Variants in TNIK observed in about 807,000 individuals in gnomAD.
TNIK encodes the protein TRAF2 and NCK interacting kinase.
Under a neutral mutation model 191.3 loss-of-function variants are expected in TNIK, and 49 were observed. The ratio of observed to expected loss-of-function variants is 0.26; its 90% CI spans 0.20 to 0.32. The LOEUF is 0.32. TNIK is among the 10% of genes least tolerant of loss of function. TNIK has a pLI of 1.00. For synonymous variants in TNIK, 594 were observed against 600.9 expected (o/e 0.99, Z 0.17); for missense variants, 1,155 against 1,702.3 (o/e 0.68, Z 5.66).
Position 171,354,390 on chromosome 3 carries a change from C to T in TNIK, c.123+15230G>A, listed in dbSNP as rs149651504. On this transcript the variant is annotated intron_variant, in intron 2 of 32. Transcript: ENST00000436636. ...ACCTGAGCTGGTCCACTACCTGAGC[C>T]GTGTTCCTCAAGGAAATTTCAAAAG... Among the ~76,000 whole-genome samples, 16 of 152,228 alleles carry T rather than the reference C, an allele frequency of 1.1e-4. No homozygotes were observed. In the East Asian group the frequency reaches 1.9e-3, roughly 18 times the overall value.
intron 3 of TNIK, among the ~76,000 whole-genome samples, chr3:171,223,211 C>T (rs1444827739): frequency 6.6e-6 from 1 of 152,158 alleles, no homozygotes; most frequent in Non-Finnish European, 1.5e-5. Context: ...GTATTCTTGG[C>T]TGGAATGTCC....
chr3:171,202,758 G>A lies in TNIK; in HGVS notation c.307-8123C>T, dbSNP rs112685694. The stretch of plus-strand genomic sequence containing the variant: ...GCTTCAGATCTGTGTTTGTATCTAC[G>A]TAACTTACCTTGTGTCTCTATAGGT... On this transcript the variant is annotated intron_variant, in intron 4 of 32. Transcript: ENST00000436636. 5.2e-3 allele frequency among the ~76,000 whole-genome samples: 798 copies of A among 152,244 alleles called. 6 individuals are homozygous for A. Among genetic ancestry groups the A allele is most frequent in the Admixed American group, 0.012 (191 of 15,298 alleles).
At chr3:171,125,622 A>G (rs1728352957) in intron 17 of TNIK, among the ~76,000 whole-genome samples, 1 of 152,224 alleles carries the variant, frequency 6.6e-6, no homozygotes, top group Non-Finnish European at 1.5e-5. Context: ...GTTAATATGG[A>G]TAGCAAAATG....
At chr3:171,387,472 T>C (rs772072155) in intron 1 of TNIK, among the ~76,000 whole-genome samples, 10 of 152,302 alleles carry the variant, frequency 6.6e-5, no homozygotes, top group Non-Finnish European at 1.2e-4. Flanking sequence ...GGCTCTTACA[T>C]CTTCCACATT....
At chr3:171,414,449 G>A (rs1483191784) in intron 1 of TNIK, among the ~76,000 whole-genome samples, 2 of 152,166 alleles carry the variant, frequency 1.3e-5, no homozygotes, top group East Asian at 3.8e-4. Flanking sequence ...TATAACAAAG[G>A]TCTAAATGAT....
At chr3:171,295,346 C>A (rs917250535) in intron 2 of TNIK, among the ~76,000 whole-genome samples, 2 of 152,160 alleles carry the variant, frequency 1.3e-5, no homozygotes, top group African/African-American at 4.8e-5. Flanking sequence ...TAGCATCTCT[C>A]CTTCCTGCCT....
rs770421937 is a variant in TNIK at position 171,190,817 on chromosome 3, A to G, written c.418-30T>C. 115 of 1,523,162 alleles carry G rather than the reference A, an allele frequency of 7.6e-5. No individual in the cohort carries two copies. In the Middle Eastern group the frequency reaches 1.0e-3, roughly 13 times the overall value. 94.4% of individuals were successfully genotyped at this position (1,523,162 alleles called of 1,614,324 possible). A position where few individuals can be genotyped will look rare whatever the true frequency, so the allele number is the denominator to read the frequency against. On this transcript the variant is annotated intron_variant, in intron 5 of 32. Transcript: ENST00000436636. ...AGTGATGGAGAGTTAAGAAGGGTTA[A>G]TAGGAACATAAGCCAAGATGCCAAT...
chr3:171,250,796 C>T (rs1170516023), intron 2 of TNIK, among the ~76,000 whole-genome samples: 1 of 152,180 alleles, frequency 6.6e-6, no homozygotes, highest in African/African-American at 2.4e-5. Flanking sequence ...CCATATAGTG[C>T]TCTAAAAATG....
At chr3:171,064,912 T>G (rs982564923) in intron 32 of TNIK, among the ~76,000 whole-genome samples, 1 of 152,194 alleles carries the variant, frequency 6.6e-6, no homozygotes. Flanking sequence ...GACATTCACC[T>G]AATGCTGCAT....
intron 2 of TNIK, among the ~76,000 whole-genome samples, chr3:171,331,449 A>T (rs1182841183): frequency 6.6e-6 from 1 of 152,220 alleles, no homozygotes; most frequent in Non-Finnish European, 1.5e-5. Flanking sequence ...TTAAAATAGC[A>T]TCTACTTGGT....
At chr3:171,288,558 C>T (rs1376413268) in intron 2 of TNIK, among the ~76,000 whole-genome samples, 3 of 151,406 alleles carry the variant, frequency 2.0e-5, no homozygotes, top group Non-Finnish European at 4.4e-5. Context: ...CCTGTAATCC[C>T]AGCATTTTGG....
At chr3:171,404,113 T>C (rs1721348786) in intron 1 of TNIK, among the ~76,000 whole-genome samples, 1 of 152,258 alleles carries the variant, frequency 6.6e-6, no homozygotes, top group African/African-American at 2.4e-5. Flanking sequence ...GTACCTACAG[T>C]ATAACCCATA....
chr3:171,396,872 A>T (rs1193931813), intron 1 of TNIK, among the ~76,000 whole-genome samples: 1 of 152,230 alleles, frequency 6.6e-6, no homozygotes, highest in East Asian at 1.9e-4. Context: ...GACAACTTCA[A>T]TGATGAAACC....
intron 1 of TNIK, among the ~76,000 whole-genome samples, chr3:171,444,121 C>T (rs1179544458): frequency 2.0e-5 from 3 of 152,154 alleles, no homozygotes; most frequent in Non-Finnish European, 4.4e-5. Flanking sequence ...TATAAAGTTG[C>T]TTTAACAACC....
intron 2 of TNIK, among the ~76,000 whole-genome samples, chr3:171,312,161 G>A (rs80267599): frequency 0.032 from 3,867 of 119,188 alleles, 307 homozygotes; most frequent in African/African-American, 0.12. Context: ...TGGCATATCT[G>A]ATTTTAAAAA....
At position 171,292,881 on chromosome 3, in the gene TNIK, C is replaced by T. The variant is rs979455987; in HGVS notation, c.124-64660G>A. 2.6e-5 allele frequency among the ~76,000 whole-genome samples: 4 copies of T among 152,046 alleles called. No individual in the cohort carries two copies. In the East Asian group the frequency reaches 7.7e-4, roughly 29 times the overall value. On this transcript the variant is annotated intron_variant, in intron 2 of 32. Coordinates refer to ENST00000436636, the MANE Select transcript of TNIK (RefSeq NM_015028.4). Reference sequence around the variant, plus strand: ...TCTCTCCTTTCTGGTTTTCCCCTCTCACTCGCCAATGGCCACAGGCTCCCT... The same window carrying T: ...TCTCTCCTTTCTGGTTTTCCCCTCTTACTCGCCAATGGCCACAGGCTCCCT...
chr3:171,372,220 G>T lies in TNIK; in HGVS notation c.58-2535C>A, dbSNP rs547085573. 2.2e-4 allele frequency among the ~76,000 whole-genome samples: 33 copies of T among 152,292 alleles called. 1 individual carries two copies. The South Asian group carries it at 6.8e-3, about 32-fold the overall frequency. On this transcript the variant is annotated intron_variant, in intron 1 of 32. Coordinates refer to ENST00000436636, the MANE Select transcript of TNIK (RefSeq NM_015028.4). The stretch of plus-strand genomic sequence containing the variant: ...GTCCCAACCAATCAAAACCAAGGAG[G>T]CTTAATGCTGAGCCTTTAGTTCAAA...
chr3:171,145,332 C>T (rs577282899), intron 12 of TNIK, among the ~76,000 whole-genome samples: 114 of 152,156 alleles, frequency 7.5e-4, no homozygotes, highest in Non-Finnish European at 1.2e-3. Context: ...ATGATCCGCC[C>T]GCCTCGGCCT....
chr3:171,263,224 C>T (rs1747874585), intron 2 of TNIK, among the ~76,000 whole-genome samples: 1 of 152,078 alleles, frequency 6.6e-6, no homozygotes, highest in African/African-American at 2.4e-5. Flanking sequence ...TTAGTAGAGC[C>T]AGTGTTGACA....
Sources: allele counts gnomAD v4.1 joint callset (sites outside exome capture counted in the v4.1 genomes callset), GRCh38; gene constraint gnomAD v4.1.1; transcripts MANE v1.5; gene names NCBI Gene and HGNC (gene_info 2026-07-23, HGNC 2026-07-21).